The following WNT3A variants were observed in gnomAD, a reference collection of about 807,000 sequenced individuals.
WNT3A encodes the protein Wnt family member 3A.
In WNT3A, 17 loss-of-function variants were observed where a neutral mutation model predicts 37.0. That is an observed-to-expected ratio of 0.46 (90% CI 0.31 to 0.69). The LOEUF is 0.69. WNT3A is among the 30% of genes least tolerant of loss of function. The probability of loss-of-function intolerance (pLI) is 0.05; values close to 1 mark genes in which losing one functional copy is unlikely to be tolerated. For synonymous variants in WNT3A, 187 were observed against 211.0 expected (o/e 0.89, Z 0.99); for missense variants, 411 against 510.2 (o/e 0.81, Z 1.87).
chr1:228,060,259 T>G lies in WNT3A; in HGVS notation c.*794T>G, dbSNP rs749815607. On this transcript the variant is annotated 3_prime_UTR_variant, in exon 4 of 4. Coordinates refer to ENST00000284523, the MANE Select transcript of WNT3A (RefSeq NM_033131.4). The stretch of plus-strand genomic sequence containing the variant: ...ACCAGCCACCTCATCCCCAACCCCC[T>G]GTAAGGTTCCATCCACCCCTGCGTC... The G allele has an allele frequency of 1.5e-6, 2 of 1,351,456 alleles. No individual in the cohort carries two copies. Among genetic ancestry groups the G allele is most frequent in the East Asian group, 9.1e-5 (2 of 21,960 alleles). The allele number at this position is 1,351,456 out of a possible 1,614,324, so 83.7% of individuals were successfully genotyped here. A position where few individuals can be genotyped will look rare whatever the true frequency, so the allele number is the denominator to read the frequency against.
intron 2 of WNT3A, among the ~76,000 whole-genome samples, chr1:228,049,892 C>G (rs2031504148): frequency 1.3e-5 from 2 of 152,174 alleles, no homozygotes; most frequent in Admixed American, 1.3e-4. Flanking sequence ...ATCCTCCCAC[C>G]TCCGCTTCCT....
At chr1:228,044,242 C>T (rs757971127) in intron 2 of WNT3A, among the ~76,000 whole-genome samples, 9 of 152,344 alleles carry the variant, frequency 5.9e-5, no homozygotes, top group Non-Finnish European at 1.0e-4. Context: ...TCATAAACAT[C>T]GCAGGAGTGG....
intron 2 of WNT3A, among the ~76,000 whole-genome samples, chr1:228,027,033 G>T (rs998779524): frequency 2.6e-5 from 4 of 152,066 alleles, no homozygotes; most frequent in Non-Finnish European, 5.9e-5. Context: ...AGTACAGACG[G>T]GGTTTCACCA....
rs780660654 is a variant in WNT3A at position 228,050,617 on chromosome 1, CT to C, written c.314-38del. On this transcript the variant is annotated intron_variant, in intron 2 of 3. Coordinates refer to ENST00000284523, the MANE Select transcript of WNT3A (RefSeq NM_033131.4). This position sits in a 1 kb window ranked among gnomAD's most constrained non-coding sequence, Gnocchi z 5.0. The stretch of plus-strand genomic sequence containing the variant: ...GACCTGCCCAAGGCGGTCCTTTGAG[CT>C]GAGCCCTGTTAACCCTGCATCTCTC... The C allele has an allele frequency of 7.1e-6, 11 of 1,547,466 alleles. No homozygotes were observed. The highest frequency in any genetic ancestry group is 1.4e-5 in the African/African-American group (1 of 73,078).
rs1181222661 is a variant in WNT3A at position 228,059,307 on chromosome 1, T to G, written c.901T>G (p.Ser301Ala). 6 of 1,580,480 alleles carry G rather than the reference T, an allele frequency of 3.8e-6. No homozygotes were observed. Among genetic ancestry groups the G allele is most frequent in the Non-Finnish European group, 5.1e-6 (6 of 1,168,230 alleles). ...GCGCGACCGCACCTGCAACGTCAGC[T>G]CGCACGGCATCGACGGCTGCGACCT... ...GTRDRTCNVS[S>A]HGIDGCDLLC... Residue 301 changes from serine (S) to alanine (A), a missense_variant, in exon 4 of 4, where the codon TCG becomes GCG. Coordinates refer to ENST00000284523, the MANE Select transcript of WNT3A (RefSeq NM_033131.4).
At chr1:228,045,631 C>T (rs914758785) in intron 2 of WNT3A, among the ~76,000 whole-genome samples, 11 of 152,202 alleles carry the variant, frequency 7.2e-5, no homozygotes, top group Admixed American at 4.6e-4. Flanking sequence ...CAGCAAAGGC[C>T]CCTCCAGGCC....
At chr1:228,041,256 C>T (rs2031279020) in intron 2 of WNT3A, among the ~76,000 whole-genome samples, 1 of 152,110 alleles carries the variant, frequency 6.6e-6, no homozygotes, top group African/African-American at 2.4e-5. Context: ...TCATGATTCC[C>T]TGCATCTGAC....
chr1:228,025,587 G>A (rs753015310), intron 2 of WNT3A, among the ~76,000 whole-genome samples: 5 of 152,238 alleles, frequency 3.3e-5, no homozygotes, highest in Non-Finnish European at 5.9e-5. Context: ...GGGCTCAAGC[G>A]ATCCACCTGC....
At chr1:228,024,372 A>G (rs1311902645) in intron 2 of WNT3A, among the ~76,000 whole-genome samples, 1 of 152,192 alleles carries the variant, frequency 6.6e-6, no homozygotes, top group Admixed American at 6.5e-5. Flanking sequence ...CTAGAGTGTG[A>G]AGTAGAACCT....
chr1:228,029,903 C>T (rs2030957860), intron 2 of WNT3A, among the ~76,000 whole-genome samples: 1 of 151,958 alleles, frequency 6.6e-6, no homozygotes, highest in East Asian at 1.9e-4. Context: ...AGTTCAAGAC[C>T]AGCCTGGGAA....
At chr1:228,043,344 C>T (rs1022650501) in intron 2 of WNT3A, among the ~76,000 whole-genome samples, 4 of 152,214 alleles carry the variant, frequency 2.6e-5, no homozygotes, top group African/African-American at 7.2e-5. Context: ...CAGCCAGGCT[C>T]CTTCCCAGGT....
chr1:228,057,548 G>C (rs565519267), intron 3 of WNT3A, among the ~76,000 whole-genome samples: 1 of 152,162 alleles, frequency 6.6e-6, no homozygotes, highest in South Asian at 2.1e-4. Flanking sequence ...AGATAAACTA[G>C]ACTGGGCAGG....
chr1:228,022,849 G>A lies in WNT3A; in HGVS notation c.254G>A (p.Arg85Gln), dbSNP rs749224268. Residue 85 changes from arginine (R) to glutamine (Q), a missense_variant, in exon 2 of 4, where the codon CGG (arginine) becomes CAG (glutamine). Arg to Gln is a conservative substitution (Grantham distance 43). Transcript: ENST00000284523. ...QECQHQFRGR[R>Q]WNCTTVHDSL... The stretch of plus-strand genomic sequence containing the variant: ...TGCCAGCACCAGTTCCGCGGCCGCC[G>A]GTGGAACTGCACCACCGTCCACGAC... The A allele has an allele frequency of 1.1e-5, 17 of 1,613,828 alleles. No homozygotes were observed. The East Asian group carries it at 1.3e-4, about 13-fold the overall frequency.
At position 228,050,654 on chromosome 1, in the gene WNT3A, A is replaced by T; in HGVS notation, c.314-2A>T. The T allele has an allele frequency of 6.3e-7, 1 of 1,595,528 alleles. No homozygotes were observed. The highest frequency in any genetic ancestry group is 8.6e-7 in the Non-Finnish European group (1 of 1,168,136). ...AACCCTGCATCTCTCCTCTCTCTAC[A>T]GCTACCAGGGAGTCGGCCTTTGTCC... On this transcript the variant is annotated splice_acceptor_variant, in intron 2 of 3. Coordinates refer to ENST00000284523, the MANE Select transcript of WNT3A (RefSeq NM_033131.4). LOFTEE classifies it high-confidence loss of function. This position sits in a 1 kb window ranked among gnomAD's most constrained non-coding sequence, Gnocchi z 5.0.
intron 1 of WNT3A, among the ~76,000 whole-genome samples, chr1:228,013,181 G>A (rs140991007): frequency 1.3e-5 from 2 of 152,274 alleles, no homozygotes; most frequent in Admixed American, 1.3e-4. Flanking sequence ...GTGAGTAGCT[G>A]GGATTACAGG....
In WNT3A at chr1:228,042,608, T is replaced by C. The variant is rs1189943092; in HGVS notation, c.314-8048T>C. 3.3e-5 allele frequency among the ~76,000 whole-genome samples: 5 copies of C among 151,504 alleles called. No individual in the cohort carries two copies. Among genetic ancestry groups the C allele is most frequent in the African/African-American group, 1.2e-4 (5 of 41,138 alleles). Reference sequence around the variant, plus strand: ...GGGTGATGAATTGATGATGGATGCATGATGAATGGATAATGGGTGAATGGA... The same window carrying C: ...GGGTGATGAATTGATGATGGATGCACGATGAATGGATAATGGGTGAATGGA... On this transcript the variant is annotated intron_variant, in intron 2 of 3. Transcript: ENST00000284523. The surrounding 1 kb of genome is among the most constrained non-coding windows in gnomAD (Gnocchi z 5.2).
At position 228,007,433 on chromosome 1, in the gene WNT3A, G is replaced by T. The variant is rs2102757972; in HGVS notation, c.71+234G>T. Among the ~76,000 whole-genome samples, 1 of 152,276 alleles carries T rather than the reference G, an allele frequency of 6.6e-6. No individual in the cohort carries two copies. Among genetic ancestry groups the T allele is most frequent in the African/African-American group, 2.4e-5 (1 of 41,564 alleles). ...TTGATTCCCGAGCGGGGGAGTAGGG[G>T]AGGTTGCGGAGGTCCTAGCTGCCCC... On this transcript the variant is annotated intron_variant, in intron 1 of 3. Coordinates refer to ENST00000284523, the MANE Select transcript of WNT3A (RefSeq NM_033131.4). This position sits in a 1 kb window ranked among gnomAD's most constrained non-coding sequence, Gnocchi z 6.0.
At position 228,022,895 on chromosome 1, in the gene WNT3A, C is replaced by T. The variant is rs767871879; in HGVS notation, c.300C>T (p.Pro100=). Residue 100 remains proline, a synonymous_variant, in exon 2 of 4, where the codon CCC becomes CCT. Transcript: ENST00000284523. ...ACGACAGCCTGGCCATCTTCGGGCC[C>T]GTGCTGGACAAAGGTATGGGGGTGG... ...TVHDSLAIFG[P]VLDKATRESA... 102 of 1,608,866 alleles carry T rather than the reference C, an allele frequency of 6.3e-5. No individual in the cohort carries two copies. The highest frequency in any genetic ancestry group is 8.2e-5 in the Non-Finnish European group (96 of 1,176,394).
At chr1:228,017,752 G>A (rs1379429410) in intron 1 of WNT3A, among the ~76,000 whole-genome samples, 1 of 152,118 alleles carries the variant, frequency 6.6e-6, no homozygotes, top group Non-Finnish European at 1.5e-5. Flanking sequence ...ATGGCAGTGG[G>A]CTGGCGGAGA....
Sources: gnomAD v4.1 joint callset for allele counts (sites outside exome capture counted in the v4.1 genomes callset) on GRCh38, gnomAD v4.1.1 for gene constraint, Gnocchi (gnomAD v3.1) non-coding constraint, MANE v1.5 for transcripts, NCBI Gene and HGNC (gene_info 2026-07-23, HGNC 2026-07-21) for gene names.